The following RANBP17 variants were observed in gnomAD, a reference collection of about 807,000 sequenced individuals.
RANBP17 encodes the protein ran-binding protein 17.
Under a neutral mutation model 141.2 loss-of-function variants are expected in RANBP17, and 158 were observed. The ratio of observed to expected loss-of-function variants is 1.12; its 90% CI spans 0.98 to 1.28. RANBP17 has a LOEUF of 1.28. Among genes scored for constraint, RANBP17 ranks in the 50% most tolerant of loss-of-function variants. The pLI, the probability that RANBP17 is intolerant of heterozygous loss-of-function variation, is 0.00. For missense variants in RANBP17, 1,438 were observed against 1,290.7 expected, an observed-to-expected ratio of 1.11 and a Z score of -1.75; for synonymous variants, 430 against 450.0, an observed-to-expected ratio of 0.96 and a Z score of 0.56.
chr5:171,061,739 ATCTG>A (rs1387011949), intron 14 of RANBP17, among the ~76,000 whole-genome samples: 17 of 152,170 alleles, frequency 1.1e-4, no homozygotes, highest in Non-Finnish European at 1.8e-4. Context: ...TCTCTCATTG[ATCTG>A]TCTAATGTTG....
chr5:170,878,226 T>C lies in RANBP17; in HGVS notation c.148T>C (p.Leu50=), dbSNP rs572548445. The C allele has an allele frequency of 2.1e-5, 33 of 1,609,324 alleles. No homozygotes were observed. Among genetic ancestry groups the C allele is most frequent in the Non-Finnish European group, 2.8e-5 (33 of 1,178,200 alleles). ...SPECLSKCQL[L]LEQGTTSYAQ... ...AGAATGTCTCAGCAAGTGTCAACTT[T>C]TATTAGAACAAGGAACAGTAAGTAT... The change falls in exon 2 of 28, where the codon TTA becomes CTA. Residue 50 remains leucine, a synonymous_variant. Transcript: ENST00000523189.
intron 14 of RANBP17, among the ~76,000 whole-genome samples, chr5:171,075,375 AG>A (rs758556624): frequency 6.3e-4 from 96 of 152,246 alleles, no homozygotes; most frequent in Admixed American, 5.9e-4. Flanking sequence ...AAATGATAAA[AG>A]TAAAGTATTG....
chr5:170,873,365 A>T (rs1473754204), intron 1 of RANBP17, among the ~76,000 whole-genome samples: 1 of 152,228 alleles, frequency 6.6e-6, no homozygotes, highest in African/African-American at 2.4e-5. Context: ...GCCTCATAAA[A>T]TGAGTTAGGG....
intron 14 of RANBP17, among the ~76,000 whole-genome samples, chr5:171,158,898 A>G (rs1759096050): frequency 6.6e-6 from 1 of 152,200 alleles, no homozygotes; most frequent in African/African-American, 2.4e-5. Flanking sequence ...GGGTTAAAAC[A>G]TTATCCATGT....
chr5:170,950,806 A>G (rs1775152630), intron 12 of RANBP17, among the ~76,000 whole-genome samples: 1 of 152,162 alleles, frequency 6.6e-6, no homozygotes, highest in African/African-American at 2.4e-5. Flanking sequence ...ACTGTTCACA[A>G]TAGCAAAGAT....
At chr5:171,127,620 T>G (rs1756575530) in intron 14 of RANBP17, among the ~76,000 whole-genome samples, 1 of 152,196 alleles carries the variant, frequency 6.6e-6, no homozygotes, top group Non-Finnish European at 1.5e-5. Flanking sequence ...TCACTATTAC[T>G]AATCATCCAT....
intron 13 of RANBP17, among the ~76,000 whole-genome samples, chr5:170,954,672 A>AT (rs543967649): frequency 9.2e-5 from 14 of 151,610 alleles, no homozygotes; most frequent in South Asian, 4.2e-4. Flanking sequence ...TTGTTCCTCA[A>AT]TTTTTTTTAT....
chr5:170,932,620 G>T (rs937555001), intron 12 of RANBP17, among the ~76,000 whole-genome samples: 2 of 151,992 alleles, frequency 1.3e-5, no homozygotes, highest in Non-Finnish European at 2.9e-5. Flanking sequence ...TAGCATGAAG[G>T]GCTGTTGAAT....
intron 12 of RANBP17, 103 bp downstream of exon 12, chr5:170,924,653 C>A: frequency 1.4e-6 from 1 of 717,566 alleles, no homozygotes; most frequent in East Asian, 2.7e-5. Flanking sequence ...GTATTTTCCC[C>A]AATTCCTGGT....
At chr5:171,261,090 C>CCAAAAA (rs1554125343) in intron 24 of RANBP17, among the ~76,000 whole-genome samples, 2 of 68,488 alleles carry the variant, frequency 2.9e-5, no homozygotes, top group African/African-American at 6.1e-5. Flanking sequence ...CCACCCCCCC[C>CCAAAAA]AAAAAAAAAA....
At position 171,224,060 on chromosome 5, in the gene RANBP17, C is replaced by T. The variant is rs576732351; in HGVS notation, c.2422+2220C>T. ...CAGGAGGTAACATGGAAGAGTTACT[C>T]GCTGTTTATGCCTCTCCTTCCAAAG... is the stretch of plus-strand genomic sequence containing the variant. On this transcript the variant is annotated intron_variant, in intron 22 of 27. Transcript: ENST00000523189. 1.7e-4 allele frequency among the ~76,000 whole-genome samples: 26 copies of T among 152,246 alleles called. No homozygotes were observed. In the South Asian group the frequency reaches 2.3e-3, roughly 13 times the overall value.
At chr5:170,892,257 C>T (rs1403421829) in intron 3 of RANBP17, 130 bp from the exon 4 acceptor site, 2 of 751,178 alleles carry the variant, frequency 2.7e-6, no homozygotes, top group Non-Finnish European at 4.3e-6. Context: ...GTTTTAAGCC[C>T]TGCATGCATT....
intron 5 of RANBP17, among the ~76,000 whole-genome samples, chr5:170,897,778 A>G (rs1770264853): frequency 6.6e-6 from 1 of 152,186 alleles, no homozygotes; most frequent in Non-Finnish European, 1.5e-5. Flanking sequence ...CATGGTGTAT[A>G]TGTGGCACAT....
At chr5:171,290,232 G>A (rs1768404105) in intron 25 of RANBP17, among the ~76,000 whole-genome samples, 1 of 151,986 alleles carries the variant, frequency 6.6e-6, no homozygotes. Flanking sequence ...AGCCGGGCGT[G>A]GTGGCACGTG....
chr5:171,232,188 A>G (rs914075441), intron 22 of RANBP17, among the ~76,000 whole-genome samples: 3 of 152,202 alleles, frequency 2.0e-5, no homozygotes, highest in Non-Finnish European at 2.9e-5. Flanking sequence ...AGATTTTTAT[A>G]TCTACTAATA....
intron 14 of RANBP17, among the ~76,000 whole-genome samples, chr5:171,046,543 G>T (rs886273887): frequency 6.6e-6 from 1 of 152,036 alleles, no homozygotes; most frequent in African/African-American, 2.4e-5. Context: ...GTAATTTTAT[G>T]AATGTACCAT....
intron 3 of RANBP17, among the ~76,000 whole-genome samples, chr5:170,888,994 A>T (rs534285281): frequency 6.6e-6 from 1 of 152,034 alleles, no homozygotes; most frequent in Admixed American, 6.5e-5. Context: ...TCTTTAGCTT[A>T]TTGATGTGAT....
chr5:170,877,689 T>C (rs1237280994), intron 1 of RANBP17, among the ~76,000 whole-genome samples: 1 of 152,216 alleles, frequency 6.6e-6, no homozygotes, highest in Non-Finnish European at 1.5e-5. Context: ...CGCACTGACC[T>C]TTAATGCTTT....
At chr5:171,076,693 G>T (rs983483762) in intron 14 of RANBP17, among the ~76,000 whole-genome samples, 1 of 152,116 alleles carries the variant, frequency 6.6e-6, no homozygotes, top group Non-Finnish European at 1.5e-5. Context: ...GGCCAAAGAG[G>T]GGGATGCAGA....
Sources: allele counts gnomAD v4.1 joint callset (sites outside exome capture counted in the v4.1 genomes callset), GRCh38; gene constraint gnomAD v4.1.1; transcripts MANE v1.5; gene names NCBI Gene and HGNC (gene_info 2026-07-23, HGNC 2026-07-21).